Variants in UBE3D observed in about 807,000 individuals in gnomAD.
UBE3D encodes ubiquitin protein ligase E3D, also known as E3 ubiquitin-protein ligase E3D.
UBE3D carries 48 observed loss-of-function variants against 49.6 expected under a neutral mutation model. That is an observed-to-expected ratio of 0.97 (90% CI 0.77 to 1.23). The LOEUF is 1.23. Among genes scored for constraint, UBE3D ranks in the 50% most tolerant of loss-of-function variants. The pLI, the probability that UBE3D is intolerant of heterozygous loss-of-function variation, is 0.00. For synonymous variants in UBE3D, 189 were observed against 174.2 expected (o/e 1.08, Z -0.67); for missense variants, 452 against 468.4 (o/e 0.96, Z 0.32).
At chr6:82,948,285 T>C (rs936294893) in intron 9 of UBE3D, among the ~76,000 whole-genome samples, 1 of 151,778 alleles carries the variant, frequency 6.6e-6, no homozygotes, top group Non-Finnish European at 1.5e-5. Context: ...CTAGAAGAAA[T>C]GAATAAATTC....
intron 9 of UBE3D, among the ~76,000 whole-genome samples, chr6:82,914,384 G>A (rs1448709832): frequency 6.6e-6 from 1 of 152,102 alleles, no homozygotes; most frequent in Non-Finnish European, 1.5e-5. Flanking sequence ...AGGTGTCAGT[G>A]AGCAAAACCA....
At chr6:82,887,062 G>A in the UBE3D span, among the ~76,000 whole-genome samples, 1 of 152,006 alleles carries the variant, frequency 6.6e-6, no homozygotes, top group African/African-American at 2.4e-5. Context: ...TCAGCACTTT[G>A]GGAGGCTAAG....
chr6:82,947,702 A>C (rs1775507267), intron 9 of UBE3D, among the ~76,000 whole-genome samples: 1 of 151,952 alleles, frequency 6.6e-6, no homozygotes, highest in South Asian at 2.1e-4. Flanking sequence ...ACCTTAAATC[A>C]ATAACAAGAG....
chr6:82,959,644 C>T (rs1013509791), intron 8 of UBE3D, among the ~76,000 whole-genome samples: 1 of 144,460 alleles, frequency 6.9e-6, no homozygotes, highest in Non-Finnish European at 1.5e-5. Context: ...GTCTTTAAGG[C>T]ACCAAGTGAT....
At chr6:82,943,678 T>C (rs1167659821) in intron 9 of UBE3D, among the ~76,000 whole-genome samples, 1 of 151,828 alleles carries the variant, frequency 6.6e-6, no homozygotes, top group Non-Finnish European at 1.5e-5. Flanking sequence ...GAACTAAAAA[T>C]CAGGTAAGGA....
At chr6:82,950,430 C>A (rs1037051350) in intron 9 of UBE3D, among the ~76,000 whole-genome samples, 14 of 152,054 alleles carry the variant, frequency 9.2e-5, no homozygotes, top group African/African-American at 3.4e-4. Flanking sequence ...TAAATTAGTA[C>A]AACCAGTATG....
chr6:82,942,984 AAG>A (rs1775126055), intron 9 of UBE3D, among the ~76,000 whole-genome samples: 2 of 152,174 alleles, frequency 1.3e-5, no homozygotes, highest in South Asian at 4.1e-4. Context: ...CAGCCCATGA[AAG>A]CAGCCAGGAG....
intron 9 of UBE3D, among the ~76,000 whole-genome samples, chr6:82,901,356 CT>C (rs1165611699): frequency 6.6e-6 from 1 of 152,164 alleles, no homozygotes; most frequent in Non-Finnish European, 1.5e-5. Context: ...CCAGGAAACA[CT>C]TTCAAATAGT....
At chr6:83,003,411 T>C (rs1461550630) in intron 8 of UBE3D, among the ~76,000 whole-genome samples, 2 of 152,232 alleles carry the variant, frequency 1.3e-5, no homozygotes, top group Non-Finnish European at 2.9e-5. Flanking sequence ...AGCTGACTTT[T>C]ATTATACGTC....
chr6:82,897,986 A>G (rs530496854), intron 9 of UBE3D, among the ~76,000 whole-genome samples: 84 of 152,338 alleles, frequency 5.5e-4, no homozygotes, highest in African/African-American at 2.0e-3. Flanking sequence ...AATTCACAAG[A>G]AAACAAACAA....
At chr6:83,003,116 C>T (rs1261952502) in intron 8 of UBE3D, among the ~76,000 whole-genome samples, 3 of 152,080 alleles carry the variant, frequency 2.0e-5, no homozygotes, top group Non-Finnish European at 4.4e-5. Context: ...AAACTTAGAC[C>T]TTTCTCATAT....
Position 83,044,679 on chromosome 6 carries a change from T to TCACAGAA in UBE3D, c.366-21_366-20insTTCTGTG. ...AGCTTCCTAGTGGAAAGAGGAAAAA[T>TCACAGAA]CATTTTTCACAGAACAAAATGATAC... On this transcript the variant is annotated intron_variant, in intron 3 of 9. Transcript: ENST00000369747. The TCACAGAA allele has an allele frequency of 6.3e-7, 1 of 1,580,984 alleles. No homozygotes were observed. Among genetic ancestry groups the TCACAGAA allele is most frequent in the Non-Finnish European group, 8.7e-7 (1 of 1,155,000 alleles).
intron 5 of UBE3D, among the ~76,000 whole-genome samples, chr6:83,025,676 C>T (rs531359480): frequency 1.3e-5 from 2 of 151,620 alleles, no homozygotes; most frequent in South Asian, 2.1e-4. Flanking sequence ...TGGGGTCAGG[C>T]GTTTGAGACC....
intron 8 of UBE3D, among the ~76,000 whole-genome samples, chr6:82,970,323 C>T (rs999311787): frequency 1.3e-5 from 2 of 151,596 alleles, no homozygotes; most frequent in Non-Finnish European, 2.9e-5. Context: ...AAAACTACCA[C>T]AAACACAAAT....
At position 82,902,114 on chromosome 6, in the gene UBE3D, A is replaced by G. The variant is rs562044977; in HGVS notation, c.1150-9072T>C. On this transcript the variant is annotated intron_variant, in intron 9 of 9. Transcript: ENST00000369747. ...TTTACTTGCTTAGCTCAGGTAAAGA[A>G]AATGGTCACAAATTTGGCTTCAAAA... Among the ~76,000 whole-genome samples the G allele has an allele frequency of 3.3e-5, 5 of 152,322 alleles. 1 individual carries two copies. In the South Asian group the frequency reaches 1.0e-3, roughly 32 times the overall value.
rs777909981 is a variant in UBE3D at position 83,024,048 on chromosome 6, A to G, written c.668-10T>C. ...TAAAACTTGGTGGTTTCTAGAAACA[A>G]AAAAGAAAATTAAGACTCTCCCCAA... On this transcript the variant is annotated splice_polypyrimidine_tract_variant and intron_variant, in intron 5 of 9. Coordinates refer to ENST00000369747, the MANE Select transcript of UBE3D (RefSeq NM_198920.3). The G allele has an allele frequency of 6.7e-7, 1 of 1,491,040 alleles. No homozygotes were observed. The highest frequency in any genetic ancestry group is 1.4e-5 in the South Asian group (1 of 72,972). 92.4% of individuals were successfully genotyped at this position (1,491,040 alleles called of 1,614,324 possible).
rs753041974 is a variant in UBE3D at position 83,030,117 on chromosome 6, G to A, written c.668-6079C>T. Among the ~76,000 whole-genome samples, 256 of 152,162 alleles carry A rather than the reference G, an allele frequency of 1.7e-3. 3 individuals carry two copies. Among genetic ancestry groups the A allele is most frequent in the Non-Finnish European group, 3.1e-3 (208 of 68,006 alleles). On this transcript the variant is annotated intron_variant, in intron 5 of 9. Coordinates refer to ENST00000369747, the MANE Select transcript of UBE3D (RefSeq NM_198920.3). ...TTAGCAGTCAGCCAGAGTTGTGTTAGGGCAGAGAAGTTATCTCAGCCCTTC... is the reference window on the plus strand; with the variant it reads ...TTAGCAGTCAGCCAGAGTTGTGTTAAGGCAGAGAAGTTATCTCAGCCCTTC...
At chr6:82,974,316 T>C (rs925677509) in intron 8 of UBE3D, among the ~76,000 whole-genome samples, 8 of 152,092 alleles carry the variant, frequency 5.3e-5, no homozygotes, top group South Asian at 2.1e-4. Flanking sequence ...TGTATGTGTG[T>C]ACAGTGATCC....
rs191414597 is a variant in UBE3D at position 82,919,574 on chromosome 6, C to T, written c.1150-26532G>A. 1.1e-3 allele frequency among the ~76,000 whole-genome samples: 169 copies of T among 151,032 alleles called. 2 individuals are homozygous for T. Among genetic ancestry groups the T allele is most frequent in the African/African-American group, 3.9e-3 (160 of 41,068 alleles). On this transcript the variant is annotated intron_variant, in intron 9 of 9. Transcript: ENST00000369747. ...TCACACCACTGCACTCCAGCCTGGG[C>T]GACACAGCAAGACTCAGTCTCAAAA...
Sources: gnomAD v4.1 joint callset for allele counts (sites outside exome capture counted in the v4.1 genomes callset) on GRCh38, gnomAD v4.1.1 for gene constraint, MANE v1.5 for transcripts, NCBI Gene and HGNC (gene_info 2026-07-23, HGNC 2026-07-21) for gene names.